The following GPM6A variants were observed in gnomAD, a reference collection of about 807,000 sequenced individuals.
GPM6A encodes the protein neuronal membrane glycoprotein M6-a.
Under a neutral mutation model 32.1 loss-of-function variants are expected in GPM6A, and 7 were observed. That is an observed-to-expected ratio of 0.22 (90% CI 0.12 to 0.41). The LOEUF (loss-of-function observed/expected upper bound fraction) is 0.41, where lower values mean the gene tolerates loss of function less well. Among genes scored for constraint, GPM6A ranks in the 10% least tolerant of loss-of-function variants. The probability of loss-of-function intolerance (pLI) is 1.00; values close to 1 mark genes in which losing one functional copy is unlikely to be tolerated. For synonymous variants in GPM6A, 130 were observed against 123.4 expected, an observed-to-expected ratio of 1.05 and a Z score of -0.35; for missense variants, 235 against 347.2, an observed-to-expected ratio of 0.68 and a Z score of 2.57.
intron 2 of GPM6A, among the ~76,000 whole-genome samples, chr4:175,679,519 G>A (rs781352653): frequency 3.9e-5 from 6 of 151,972 alleles, no homozygotes; most frequent in Non-Finnish European, 4.4e-5. Context: ...TCTTGCTCCC[G>A]GTCAAAACTT....
In GPM6A at chr4:175,681,557, A is replaced by G. The variant is rs558655024; in HGVS notation, c.231-7721T>C. 1.8e-4 allele frequency among the ~76,000 whole-genome samples: 27 copies of G among 152,220 alleles called. No homozygotes were observed. In the Middle Eastern group the frequency reaches 0.014, roughly 77 times the overall value. ...AACTTCATGTTGATTGTAATCCCCAATGCTGGAGGTGGGGCCCAGTGGTAG... is the reference window on the plus strand; with the variant it reads ...AACTTCATGTTGATTGTAATCCCCAGTGCTGGAGGTGGGGCCCAGTGGTAG... On this transcript the variant is annotated intron_variant, in intron 2 of 6. Coordinates refer to ENST00000393658, the MANE Select transcript of GPM6A (RefSeq NM_201591.3).
chr4:175,662,127 A>G (rs1223396626), intron 3 of GPM6A, among the ~76,000 whole-genome samples: 2 of 152,194 alleles, frequency 1.3e-5, no homozygotes, highest in African/African-American at 2.4e-5. Flanking sequence ...ATGATTGTCA[A>G]TGGAATGAGG....
intron 1 of GPM6A, among the ~76,000 whole-genome samples, chr4:175,793,299 C>G (rs1044064664): frequency 2.0e-5 from 3 of 152,182 alleles, no homozygotes; most frequent in Non-Finnish European, 4.4e-5. Context: ...CCCACCGTCC[C>G]TACCTCACAG....
chr4:175,819,898 GA>G (rs33944724), intron 1 of GPM6A, among the ~76,000 whole-genome samples: 21,121 of 152,036 alleles, frequency 0.14, 2,026 homozygotes, highest in African/African-American at 0.29. Context: ...AAAAGTTGAA[GA>G]AATGATTCTC....
At chr4:175,840,472 G>A (rs899565504) in intron 1 of GPM6A, among the ~76,000 whole-genome samples, 2 of 152,226 alleles carry the variant, frequency 1.3e-5, no homozygotes, top group Non-Finnish European at 2.9e-5. Flanking sequence ...GAGGTCAGGA[G>A]TTTGAGACCA....
chr4:175,778,526 G>A (rs1417028008), intron 1 of GPM6A, among the ~76,000 whole-genome samples: 1 of 150,388 alleles, frequency 6.6e-6, no homozygotes, highest in Non-Finnish European at 1.5e-5. Flanking sequence ...TTGGGAGGCT[G>A]AGGCAGGAGA....
At chr4:175,733,937 A>G (rs1449770687) in intron 1 of GPM6A, among the ~76,000 whole-genome samples, 1 of 152,140 alleles carries the variant, frequency 6.6e-6, no homozygotes, top group East Asian at 1.9e-4. Flanking sequence ...TGGCATTCCT[A>G]TTTAAACTTT....
At chr4:175,730,600 AG>A (rs763117973) in intron 1 of GPM6A, among the ~76,000 whole-genome samples, 6 of 151,992 alleles carry the variant, frequency 3.9e-5, no homozygotes, top group Non-Finnish European at 5.9e-5. Context: ...CCTCCTGAGT[AG>A]GTGGGACTAC....
intron 1 of GPM6A, among the ~76,000 whole-genome samples, chr4:175,722,415 A>G (rs1182300026): frequency 6.6e-6 from 1 of 152,128 alleles, no homozygotes. Flanking sequence ...TAAAGTTTTT[A>G]TGCATCTCTG....
chr4:175,889,879 G>T (rs1463379290), intron 1 of GPM6A, among the ~76,000 whole-genome samples: 1 of 151,544 alleles, frequency 6.6e-6, no homozygotes, highest in Non-Finnish European at 1.5e-5. Flanking sequence ...GAAAAGAAGA[G>T]GCCATGAAAA....
rs147707014 is a variant in GPM6A, at chr4:175,894,214, A to AT, written c.-22-81966dup. On this transcript the variant is annotated intron_variant, in intron 1 of 7. Transcript: ENST00000280187. The stretch of plus-strand genomic sequence containing the variant: ...CAGACCGTCCTCATGTTAGAATTAC[A>AT]TTTTTTTTTAGTTCTTTGAAGATAC... 4.1e-3 allele frequency among the ~76,000 whole-genome samples: 624 copies of AT among 151,378 alleles called. 5 individuals carry two copies. The highest frequency in any genetic ancestry group is 6.6e-3 in the Non-Finnish European group (445 of 67,752).
chr4:175,838,104 C>CACACAG (rs1553994298), intron 1 of GPM6A, among the ~76,000 whole-genome samples: 45 of 58,012 alleles, frequency 7.8e-4, no homozygotes, highest in African/African-American at 2.9e-3. Context: ...CACACACACA[C>CACACAG]ACACACAGAC....
Position 175,644,121 on chromosome 4 carries a change from G to GTTTTTT in GPM6A, c.542-3298_542-3293dup, listed in dbSNP as rs781755092. On this transcript the variant is annotated intron_variant, in intron 4 of 6. Transcript: ENST00000393658. ...TTCCTGCTCTAAAACTTTTCCGTTT[G>GTTTTTT]TTTTTTTTTTTTTTTTTTTTGAGAT... Among the ~76,000 whole-genome samples, 73 of 110,316 alleles carry GTTTTTT rather than the reference G, an allele frequency of 6.6e-4. 1 individual carries two copies. The highest frequency in any genetic ancestry group is 1.4e-3 in the East Asian group (5 of 3,528). 72.4% of individuals were successfully genotyped at this position (110,316 alleles called of 152,430 possible).
chr4:175,859,471 T>G (rs1014676466), intron 1 of GPM6A, among the ~76,000 whole-genome samples: 1 of 152,202 alleles, frequency 6.6e-6, no homozygotes, highest in Non-Finnish European at 1.5e-5. Context: ...GTTTGTGTCA[T>G]TCACTTTTAA....
intron 1 of GPM6A, among the ~76,000 whole-genome samples, chr4:175,718,648 C>A (rs1467534849): frequency 7.0e-6 from 1 of 142,284 alleles, no homozygotes. Context: ...TACATTACTA[C>A]AATTAAATTG....
intron 1 of GPM6A, among the ~76,000 whole-genome samples, chr4:175,703,227 A>T (rs1744975755): frequency 6.6e-6 from 1 of 152,096 alleles, no homozygotes; most frequent in Non-Finnish European, 1.5e-5. Context: ...GCTGGACTAC[A>T]GTAGTGCGAT....
intron 1 of GPM6A, among the ~76,000 whole-genome samples, chr4:175,925,175 T>C (rs1738792580): frequency 6.6e-6 from 1 of 152,224 alleles, no homozygotes; most frequent in Non-Finnish European, 1.5e-5. Context: ...CTGGCAGTTA[T>C]ATTATGAAGA....
intron 1 of GPM6A, among the ~76,000 whole-genome samples, chr4:175,850,463 A>T (rs1736218050): frequency 6.6e-6 from 1 of 151,992 alleles, no homozygotes; most frequent in Non-Finnish European, 1.5e-5. Context: ...GAAAAACAAA[A>T]ATAAGACCAC....
chr4:175,748,913 A>G (rs1233977271), intron 1 of GPM6A, among the ~76,000 whole-genome samples: 1 of 152,178 alleles, frequency 6.6e-6, no homozygotes, highest in African/African-American at 2.4e-5. Context: ...CTACATTAGT[A>G]CTTGTTGCTT....
Sources: gnomAD v4.1 joint callset for allele counts (sites outside exome capture counted in the v4.1 genomes callset) on GRCh38, gnomAD v4.1.1 for gene constraint, MANE v1.5 for transcripts, NCBI Gene and HGNC (gene_info 2026-07-23, HGNC 2026-07-21) for gene names.